The following PTPRD variants were observed in gnomAD, a reference collection of about 807,000 sequenced individuals.
The protein encoded by PTPRD is receptor-type tyrosine-protein phosphatase delta.
Under a neutral mutation model 214.5 loss-of-function variants are expected in PTPRD, and 34 were observed. The ratio of observed to expected loss-of-function variants is 0.16; its 90% CI spans 0.12 to 0.21. PTPRD has a LOEUF of 0.21. Ranked by LOEUF, PTPRD falls within the 10% of genes least tolerant of loss-of-function variation. PTPRD has a pLI of 1.00. For synonymous variants in PTPRD, 1,128 were observed against 845.7 expected (o/e 1.33, Z -5.79); for missense variants, 2,545 against 2,398.7 (o/e 1.06, Z -1.27).
At chr9:10,357,165 A>G (rs1385971032) in intron 2 of PTPRD, among the ~76,000 whole-genome samples, 1 of 152,152 alleles carries the variant, frequency 6.6e-6, no homozygotes, top group African/African-American at 2.4e-5. Context: ...ATAAATCCTC[A>G]TCTATTTCTC....
intron 7 of PTPRD, among the ~76,000 whole-genome samples, chr9:9,709,500 G>C (rs60057454): frequency 0.066 from 9,983 of 151,968 alleles, 727 homozygotes; most frequent in East Asian, 0.36. Flanking sequence ...TGATAAATTA[G>C]TATAAAACAA....
chr9:9,607,907 C>T (rs2094277253), intron 7 of PTPRD, among the ~76,000 whole-genome samples: 1 of 152,002 alleles, frequency 6.6e-6, no homozygotes, highest in Non-Finnish European at 1.5e-5. Context: ...TTGAGCTGTC[C>T]TCAGTCAAAT....
chr9:10,125,631 T>A (rs1489890420), intron 3 of PTPRD, among the ~76,000 whole-genome samples: 4 of 147,512 alleles, frequency 2.7e-5, no homozygotes, highest in African/African-American at 7.7e-5. Flanking sequence ...ATTGTGTGTG[T>A]GTGTGTGTGT....
chr9:9,269,097 C>G (rs4361814), intron 9 of PTPRD, among the ~76,000 whole-genome samples: 1 of 150,918 alleles, frequency 6.6e-6, no homozygotes, highest in African/African-American at 2.4e-5. Flanking sequence ...GAAAAAATAT[C>G]TGCAAACCAC....
chr9:10,105,416 T>C (rs1300582101), intron 3 of PTPRD, among the ~76,000 whole-genome samples: 2 of 151,888 alleles, frequency 1.3e-5, no homozygotes, highest in East Asian at 1.9e-4. Flanking sequence ...GAGAGGAATG[T>C]TATTTCTGCA....
chr9:8,417,646 T>C (rs1041007067), intron 35 of PTPRD, among the ~76,000 whole-genome samples: 1 of 152,132 alleles, frequency 6.6e-6, no homozygotes, highest in East Asian at 1.9e-4. Context: ...ACAGAAAAAG[T>C]ATAGCAGTTG....
intron 11 of PTPRD, among the ~76,000 whole-genome samples, chr9:8,748,803 C>A (rs1323687610): frequency 1.3e-5 from 2 of 152,112 alleles, no homozygotes; most frequent in Non-Finnish European, 2.9e-5. Flanking sequence ...CCCAGCTACT[C>A]GGGAGGCTGA....
At position 9,455,689 on chromosome 9, in the gene PTPRD, G is replaced by C. The variant is rs946601427; in HGVS notation, c.-236-58207C>G. Among the ~76,000 whole-genome samples, 142 of 151,652 alleles carry C rather than the reference G, an allele frequency of 9.4e-4. 1 individual carries two copies. Among genetic ancestry groups the C allele is most frequent in the African/African-American group, 3.3e-3 (137 of 41,450 alleles). Reference sequence around the variant, plus strand: ...CAAAGAAGCAAAGAAAATAATCCTGGAGTTTCTAGATTGTTCAATATAAAG... The same window carrying C: ...CAAAGAAGCAAAGAAAATAATCCTGCAGTTTCTAGATTGTTCAATATAAAG... On this transcript the variant is annotated intron_variant, in intron 8 of 45. Coordinates refer to ENST00000381196, the MANE Select transcript of PTPRD (RefSeq NM_002839.4).
chr9:10,242,016 C>G (rs1211132530), intron 3 of PTPRD, among the ~76,000 whole-genome samples: 1 of 151,812 alleles, frequency 6.6e-6, no homozygotes, highest in Non-Finnish European at 1.5e-5. Flanking sequence ...CATGTCAGCA[C>G]TGGAGTAAAA....
intron 12 of PTPRD, among the ~76,000 whole-genome samples, chr9:8,691,231 AAG>A (rs1199050196): frequency 8.5e-5 from 13 of 152,060 alleles, no homozygotes; most frequent in African/African-American, 2.9e-4. Context: ...GAGAAAAAAA[AAG>A]AAATGACATT....
chr9:10,526,203 A>T (rs1240470933), intron 2 of PTPRD, among the ~76,000 whole-genome samples: 12 of 152,118 alleles, frequency 7.9e-5, no homozygotes, highest in Admixed American at 2.6e-4. Flanking sequence ...AGAATAAAAT[A>T]GCGCATTTCA....
chr9:9,069,772 G>A (rs780514901), intron 10 of PTPRD, among the ~76,000 whole-genome samples: 41 of 152,104 alleles, frequency 2.7e-4, no homozygotes, highest in Non-Finnish European at 4.0e-4. Context: ...ATTTAATATG[G>A]AAACCTCAGG....
At chr9:9,385,540 C>T (rs2063607469) in intron 9 of PTPRD, among the ~76,000 whole-genome samples, 1 of 152,100 alleles carries the variant, frequency 6.6e-6, no homozygotes, top group Admixed American at 6.6e-5. Flanking sequence ...AATAAAGTTA[C>T]CAGTCCTTTC....
chr9:10,077,766 A>G (rs1263570804), intron 3 of PTPRD, among the ~76,000 whole-genome samples: 1 of 151,886 alleles, frequency 6.6e-6, no homozygotes, highest in Non-Finnish European at 1.5e-5. Flanking sequence ...TCTGTTCTCA[A>G]GTTAGTTCAC....
chr9:10,555,653 C>T (rs140090242), intron 2 of PTPRD, among the ~76,000 whole-genome samples: 10 of 152,074 alleles, frequency 6.6e-5, no homozygotes, highest in Admixed American at 5.9e-4. Context: ...TGCACACAGA[C>T]AAATCCTTTT....
chr9:8,626,049 A>C (rs1230849936), intron 14 of PTPRD, among the ~76,000 whole-genome samples: 1 of 151,820 alleles, frequency 6.6e-6, no homozygotes, highest in Non-Finnish European at 1.5e-5. Flanking sequence ...ATTAAACCCT[A>C]GATGAGGCAT....
chr9:9,676,395 T>C (rs1039374775), intron 7 of PTPRD, among the ~76,000 whole-genome samples: 7 of 151,636 alleles, frequency 4.6e-5, no homozygotes, highest in South Asian at 2.1e-4. Flanking sequence ...TTTGTCCTTG[T>C]GATAGTTTGC....
At chr9:10,103,642 C>A (rs900527606) in intron 3 of PTPRD, among the ~76,000 whole-genome samples, 1 of 151,198 alleles carries the variant, frequency 6.6e-6, no homozygotes. Context: ...TCTGAGGGTT[C>A]ATTGTCTCTC....
intron 12 of PTPRD, among the ~76,000 whole-genome samples, chr9:8,644,644 T>C (rs1463146609): frequency 6.6e-6 from 1 of 152,204 alleles, no homozygotes; most frequent in Non-Finnish European, 1.5e-5. Context: ...CAGGTGCCAC[T>C]GCATTCACCA....
Sources: allele counts gnomAD v4.1 joint callset (sites outside exome capture counted in the v4.1 genomes callset), GRCh38; gene constraint gnomAD v4.1.1; transcripts MANE v1.5; gene names NCBI Gene and HGNC (gene_info 2026-07-23, HGNC 2026-07-21).